Variants in ATAD5 observed in about 807,000 individuals in gnomAD.
The protein encoded by ATAD5 is ATPase family AAA domain containing 5.
ATAD5 carries 58 observed loss-of-function variants against 176.9 expected under a neutral mutation model. That is an observed-to-expected ratio of 0.33 (90% CI 0.27 to 0.41). The LOEUF is 0.41. Ranked by LOEUF, ATAD5 falls within the 10% of genes least tolerant of loss-of-function variation. ATAD5 has a pLI of 1.00. For missense variants in ATAD5, 1,789 were observed against 2,094.1 expected (o/e 0.85, Z 2.84); for synonymous variants, 640 against 712.6 (o/e 0.90, Z 1.62).
chr17:30,842,405 A>G (rs1906180248), intron 4 of ATAD5, among the ~76,000 whole-genome samples: 1 of 152,028 alleles, frequency 6.6e-6, no homozygotes, highest in Non-Finnish European at 1.5e-5. Context: ...TTTTGTGTTG[A>G]TGGTGCACTC....
chr17:30,839,286 C>T (rs545491086), intron 3 of ATAD5, among the ~76,000 whole-genome samples: 1 of 146,200 alleles, frequency 6.8e-6, no homozygotes, highest in African/African-American at 2.5e-5. Context: ...ATAGATATAT[C>T]TTTTTTTTTT....
At chr17:30,892,256 C>T (rs1201244610) in intron 19 of ATAD5, among the ~76,000 whole-genome samples, 6 of 151,584 alleles carry the variant, frequency 4.0e-5, no homozygotes, top group African/African-American at 1.2e-4. Context: ...GAAACCCTGT[C>T]TCTACTAAAA....
chr17:30,844,159 C>T (rs760173568), intron 5 of ATAD5, 120 bp downstream of exon 5: 15 of 940,312 alleles, frequency 1.6e-5, no homozygotes, highest in South Asian at 1.2e-4. Context: ...GACGGAGTCT[C>T]GCTTTGTCAC....
rs1905596165 is a variant in ATAD5 at position 30,834,684 on chromosome 17, C to T, written c.603C>T (p.Asp201=). Residue 201 remains aspartate (D), a synonymous_variant, in exon 2 of 23, where the codon GAC becomes GAT. Transcript: ENST00000321990. ...VNPKQGTTKN[D]FKKLRKRKCR... is the part of the protein sequence containing the mutation. ...CTAAACAAGGGACCACAAAAAATGA[C>T]TTCAAAAAGTTGAGAAAAAGGAAAT... is the stretch of plus-strand genomic sequence containing the variant. 6.2e-7 allele frequency: 1 copy of T among 1,609,956 alleles called. No homozygotes were observed.
chr17:30,834,959 C>T lies in ATAD5; in HGVS notation c.878C>T (p.Ser293Phe). ...TCTACAATGTCAATTTGTGTTCCTT[C>T]TGAAACTGTCGACGAAATAGTCAAA... is the stretch of plus-strand genomic sequence containing the variant. ...PDSTMSICVPSETVDEIVKSG... is the reference protein window; with the variant it reads ...PDSTMSICVPFETVDEIVKSG... Residue 293 changes from serine to phenylalanine, a missense_variant, in exon 2 of 23, where the codon TCT becomes TTT. Around this residue, in one of 6 missense-constraint regions of ATAD5, gnomAD observed 696 missense variants for 712.5 expected, o/e 0.98. Coordinates refer to ENST00000321990, the MANE Select transcript of ATAD5 (RefSeq NM_024857.5). The T allele has an allele frequency of 6.2e-7, 1 of 1,614,020 alleles. No homozygotes were observed. The highest frequency in any genetic ancestry group is 8.5e-7 in the Non-Finnish European group (1 of 1,179,976).
chr17:30,878,718 G>GTGT (rs1908813405), intron 17 of ATAD5, among the ~76,000 whole-genome samples: 1 of 56,838 alleles, frequency 1.8e-5, no homozygotes, highest in Non-Finnish European at 3.2e-5. Context: ...GTTAGGTGGT[G>GTGT]TTTTTTTTTT....
At chr17:30,839,977 T>A (rs1906001921) in intron 3 of ATAD5, among the ~76,000 whole-genome samples, 1 of 151,978 alleles carries the variant, frequency 6.6e-6, no homozygotes, top group Admixed American at 6.5e-5. Context: ...GGCAGGCAGA[T>A]CACCTGAGGT....
intron 19 of ATAD5, 124 bp downstream of exon 19, chr17:30,887,496 CT>C (rs1909385468): frequency 1.4e-6 from 1 of 733,460 alleles, no homozygotes; most frequent in African/African-American, 1.8e-5. Flanking sequence ...GTGGGAGGAT[CT>C]CTTGAGGCCA....
At chr17:30,872,772 G>A (rs1908416340) in intron 14 of ATAD5, among the ~76,000 whole-genome samples, 1 of 151,948 alleles carries the variant, frequency 6.6e-6, no homozygotes, top group African/African-American at 2.4e-5. Flanking sequence ...TGGCCAGGCT[G>A]GTCTCAAATT....
intron 18 of ATAD5, among the ~76,000 whole-genome samples, chr17:30,881,783 G>C (rs1420225997): frequency 6.6e-6 from 1 of 151,952 alleles, no homozygotes; most frequent in East Asian, 1.9e-4. Context: ...ATGTGGTAGC[G>C]CACACCTGTA....
At chr17:30,876,262 G>T (rs1908670054) in intron 14 of ATAD5, 112 bp from the exon 15 acceptor site, 1 of 890,646 alleles carries the variant, frequency 1.1e-6, no homozygotes, top group Non-Finnish European at 1.6e-6. Flanking sequence ...GAAAATTTCT[G>T]TGTCTTTGAT....
At chr17:30,875,664 G>A (rs147685766) in intron 14 of ATAD5, among the ~76,000 whole-genome samples, 1,841 of 151,998 alleles carry the variant, frequency 0.012, 89 homozygotes, top group East Asian at 0.11. Context: ...AGGCGTGGTG[G>A]TGTGCTCCTG....
chr17:30,862,425 T>C (rs960185831), intron 10 of ATAD5, among the ~76,000 whole-genome samples: 1 of 152,162 alleles, frequency 6.6e-6, no homozygotes, highest in African/African-American at 2.4e-5. Context: ...ATCTCTGACA[T>C]GTTCTCATTC....
rs1463522243 is a variant in ATAD5 at position 30,834,983 on chromosome 17, A to G, written c.902A>G (p.Lys301Arg). 1 of 1,614,122 alleles carries G rather than the reference A, an allele frequency of 6.2e-7. No homozygotes were observed. The highest frequency in any genetic ancestry group is 8.5e-7 in the Non-Finnish European group (1 of 1,180,000). Residue 301 changes from lysine (K) to arginine (R), a missense_variant, in exon 2 of 23, where the codon AAA (lysine) becomes AGA (arginine). By Grantham distance (26) the Lys-to-Arg change is conservative. Coordinates refer to ENST00000321990, the MANE Select transcript of ATAD5 (RefSeq NM_024857.5). ...VPSETVDEIV[K>R]SGYISESENS... Reference sequence around the variant, plus strand: ...TCTGAAACTGTCGACGAAATAGTCAAAAGTGGTTATATAAGTGAATCAGAA... The same window carrying G: ...TCTGAAACTGTCGACGAAATAGTCAGAAGTGGTTATATAAGTGAATCAGAA...
At chr17:30,887,413 C>T (rs753091011) in intron 19 of ATAD5, 41 bp downstream of exon 19, 3 of 1,532,786 alleles carry the variant, frequency 2.0e-6, no homozygotes, top group Non-Finnish European at 2.7e-6. Flanking sequence ...ATTATGGGAC[C>T]CTATTTAAAA....
intron 12 of ATAD5, among the ~76,000 whole-genome samples, chr17:30,868,751 C>T (rs914318541): frequency 1.4e-4 from 21 of 151,630 alleles, no homozygotes; most frequent in African/African-American, 4.4e-4. Context: ...GTGATCCACC[C>T]ACCTTGGCCT....
intron 18 of ATAD5, among the ~76,000 whole-genome samples, chr17:30,885,759 G>C (rs538633445): frequency 4.0e-5 from 6 of 149,542 alleles, no homozygotes; most frequent in Admixed American, 1.4e-4. Flanking sequence ...TCAGCCTCCC[G>C]AGTAGCTGGG....
At chr17:30,874,958 C>T (rs1908575039) in intron 14 of ATAD5, among the ~76,000 whole-genome samples, 1 of 152,000 alleles carries the variant, frequency 6.6e-6, no homozygotes, top group Non-Finnish European at 1.5e-5. Flanking sequence ...GATATTGCAT[C>T]TCTTACCTGT....
At chr17:30,879,524 C>T (rs1227527045) in intron 18 of ATAD5, 37 bp downstream of exon 18, 1 of 1,523,430 alleles carries the variant, frequency 6.6e-7, no homozygotes. Flanking sequence ...AATTACATAT[C>T]ACCATCATGT....
Sources: gnomAD v4.1 joint callset for allele counts (sites outside exome capture counted in the v4.1 genomes callset) on GRCh38, gnomAD v4.1.1 for gene constraint, gnomAD v4.1.1 regional missense constraint, MANE v1.5 for transcripts, NCBI Gene and HGNC (gene_info 2026-07-23, HGNC 2026-07-21) for gene names.